Variants in PDZD2 observed in about 807,000 individuals in gnomAD.
PDZD2 encodes PDZ domain-containing protein 2.
In PDZD2, 90 loss-of-function variants were observed where a neutral mutation model predicts 220.7. That is an observed-to-expected ratio of 0.41 (90% CI 0.34 to 0.49). PDZD2 has a LOEUF of 0.49. PDZD2 is among the 20% of genes least tolerant of loss of function. The pLI is 0.28. For missense variants in PDZD2, 3,174 were observed against 3,608.5 expected (o/e 0.88, Z 3.08); for synonymous variants, 1,375 against 1,450.5 (o/e 0.95, Z 1.18).
intron 7 of PDZD2, among the ~76,000 whole-genome samples, chr5:32,041,412 C>G (rs181906750): frequency 6.7e-6 from 1 of 150,022 alleles, no homozygotes; most frequent in African/African-American, 2.5e-5. Flanking sequence ...AAGGGGGAAA[C>G]GTGGGGAAAA....
chr5:31,865,930 CTT>C (rs35867918), intron 2 of PDZD2, among the ~76,000 whole-genome samples: 63 of 142,680 alleles, frequency 4.4e-4, no homozygotes, highest in Non-Finnish European at 4.1e-4. Context: ...CGCACCTGCC[CTT>C]TTTTTTTTTT....
chr5:31,966,732 A>G (rs775988282), intron 2 of PDZD2, among the ~76,000 whole-genome samples: 1 of 152,228 alleles, frequency 6.6e-6, no homozygotes, highest in Non-Finnish European at 1.5e-5. Flanking sequence ...GTGAAGACAG[A>G]TGAACAACAG....
At chr5:31,954,582 T>C (rs1004710408) in intron 2 of PDZD2, among the ~76,000 whole-genome samples, 1 of 152,148 alleles carries the variant, frequency 6.6e-6, no homozygotes, top group East Asian at 1.9e-4. Flanking sequence ...AAAAGTACCA[T>C]GAACCCTCTT....
chr5:31,711,277 G>T (rs894624548), intron 1 of PDZD2, among the ~76,000 whole-genome samples: 1 of 152,226 alleles, frequency 6.6e-6, no homozygotes, highest in Non-Finnish European at 1.5e-5. Flanking sequence ...AGGGCAGAGG[G>T]TCCATGTGCA....
chr5:31,676,850 G>A (rs115999677), intron 1 of PDZD2, among the ~76,000 whole-genome samples: 1,673 of 152,066 alleles, frequency 0.011, 9 homozygotes, highest in Non-Finnish European at 0.017. Flanking sequence ...TACCACGGCC[G>A]GCCCTGTAGA....
Position 31,709,506 on chromosome 5 carries a change from TGAGAG to T in PDZD2, c.-361+70070_-361+70074del, listed in dbSNP as rs1161182799. Among the ~76,000 whole-genome samples the T allele has an allele frequency of 2.9e-4, 10 of 34,770 alleles. No homozygotes were observed. In the East Asian group the frequency reaches 3.8e-3, roughly 13 times the overall value. The allele number at this position is 34,770 out of a possible 152,430, so 22.8% of individuals were successfully genotyped here. A position where few individuals can be genotyped will look rare whatever the true frequency, so the allele number is the denominator to read the frequency against. On this transcript the variant is annotated intron_variant, in intron 1 of 24. Coordinates refer to ENST00000438447, the MANE Select transcript of PDZD2 (RefSeq NM_178140.4). The stretch of plus-strand genomic sequence containing the variant: ...TCAGGAAAAAAAATAAAATAAAAGG[TGAGAG>T]AAAAGGTGAGAGCTAGGGTTTGTCC...
intron 2 of PDZD2, among the ~76,000 whole-genome samples, chr5:31,830,578 C>T (rs1435396021): frequency 6.6e-6 from 1 of 152,018 alleles, no homozygotes; most frequent in Non-Finnish European, 1.5e-5. Flanking sequence ...TGTCAAGCTC[C>T]TCCTGCCTCC....
chr5:32,000,366 G>A lies in PDZD2; in HGVS notation c.1254+95G>A. The A allele has an allele frequency of 6.0e-6, 8 of 1,339,690 alleles. No homozygotes were observed. The Middle Eastern group carries it at 7.3e-4, about 122-fold the overall frequency. The allele number at this position is 1,339,690 out of a possible 1,614,324, so 83.0% of individuals were successfully genotyped here. ...ATGCCACACACACACACAAAGACAT[G>A]TGTGCACTTGTACGTTTGCCTTGGG... On this transcript the variant is annotated intron_variant, in intron 5 of 24. Transcript: ENST00000438447. The surrounding 1 kb of genome is among the most constrained non-coding windows in gnomAD (Gnocchi z 4.5).
At chr5:31,863,080 C>A (rs1282151262) in intron 2 of PDZD2, among the ~76,000 whole-genome samples, 1 of 152,186 alleles carries the variant, frequency 6.6e-6, no homozygotes, top group Non-Finnish European at 1.5e-5. Context: ...GACGGAGTTT[C>A]ACCATGTTGG....
rs1561506563 is a variant in PDZD2, at chr5:31,849,877, TATATATATATACAC to T, written c.476+50165_476+50178del. Among the ~76,000 whole-genome samples, 354 of 45,556 alleles carry T rather than the reference TATATATATATACAC, an allele frequency of 7.8e-3. 81 individuals are homozygous for T. Among genetic ancestry groups the T allele is most frequent in the African/African-American group, 0.065 (326 of 5,046 alleles). 29.9% of individuals were successfully genotyped at this position (45,556 alleles called of 152,430 possible). Reference sequence around the variant, plus strand: ...TCTCTCTCATATATATATACATATATATATATATATACACATATATATATATACATATATATATA... The same window carrying T: ...TCTCTCTCATATATATATACATATATATATATATATATACATATATATATA... On this transcript the variant is annotated intron_variant, in intron 2 of 24. Transcript: ENST00000438447.
intron 2 of PDZD2, among the ~76,000 whole-genome samples, chr5:31,960,786 T>C (rs1748154561): frequency 1.3e-5 from 2 of 152,220 alleles, no homozygotes; most frequent in African/African-American, 4.8e-5. Flanking sequence ...TTTTTTTCAT[T>C]TACGTAATGT....
chr5:31,904,489 A>G (rs1474557112), intron 2 of PDZD2, among the ~76,000 whole-genome samples: 5 of 152,182 alleles, frequency 3.3e-5, no homozygotes. Flanking sequence ...AGATGTGAAA[A>G]CTTGAGTCAC....
At chr5:31,877,707 G>T (rs1417871773) in intron 2 of PDZD2, among the ~76,000 whole-genome samples, 1 of 150,660 alleles carries the variant, frequency 6.6e-6, no homozygotes, top group Non-Finnish European at 1.5e-5. Context: ...TATTTATTTT[G>T]AGACAGAGTT....
intron 1 of PDZD2, among the ~76,000 whole-genome samples, chr5:31,719,964 T>G (rs1167520811): frequency 2.0e-5 from 3 of 152,226 alleles, no homozygotes; most frequent in Non-Finnish European, 4.4e-5. Flanking sequence ...AGAGGCAGAA[T>G]TGGCCTGGAA....
intron 2 of PDZD2, among the ~76,000 whole-genome samples, chr5:31,910,644 G>A (rs549699840): frequency 4.8e-4 from 58 of 120,108 alleles, no homozygotes; most frequent in African/African-American, 1.5e-3. Context: ...ACCCACCTCG[G>A]CCTCCCAAAG....
chr5:32,024,430 C>A (rs963943513), intron 6 of PDZD2, among the ~76,000 whole-genome samples: 22 of 152,120 alleles, frequency 1.4e-4, no homozygotes, highest in Admixed American at 3.9e-4. Flanking sequence ...TCCCTGTAAT[C>A]CCAGTACTTC....
At position 31,799,740 on chromosome 5, in the gene PDZD2, G is replaced by A. The variant is rs951163127; in HGVS notation, c.476+16G>A. 4.5e-6 allele frequency: 7 copies of A among 1,550,196 alleles called. No homozygotes were observed. The highest frequency in any genetic ancestry group is 5.3e-6 in the Non-Finnish European group (6 of 1,122,482). ...GTGGGGCCAGGTAAGTAGGGGGAATGCCTGCTGGCACAGGGGCTGGACACG... is the reference window on the plus strand; with the variant it reads ...GTGGGGCCAGGTAAGTAGGGGGAATACCTGCTGGCACAGGGGCTGGACACG... On this transcript the variant is annotated intron_variant, in intron 2 of 24. Coordinates refer to ENST00000438447, the MANE Select transcript of PDZD2 (RefSeq NM_178140.4).
chr5:31,862,101 G>GTTTTTTTTTTTTTTTTTTTTTTTTTTTTT (rs11417935), intron 2 of PDZD2, among the ~76,000 whole-genome samples: 2 of 78,496 alleles, frequency 2.5e-5, no homozygotes, highest in Non-Finnish European at 4.9e-5. Flanking sequence ...TTTTTTTTGG[G>GTTTTTTTTTTTTTTTTTTTTTTTTTTTTT]TTTTTTTTTT....
rs149439059 is a variant in PDZD2 at position 31,983,389 on chromosome 5, C to T, written c.711C>T (p.Ser237=). 17 of 1,614,174 alleles carry T rather than the reference C, an allele frequency of 1.1e-5. No individual in the cohort carries two copies. The highest frequency in any genetic ancestry group is 8.9e-5 in the East Asian group (4 of 44,884). The part of the protein sequence containing the change: ...ANKAPEESKG[S]AGCEVSSDPS... ...AGGCCCCTGAAGAATCCAAGGGCAG[C>T]GCTGGCTGTGAGGTGTCCAGTGACC... Residue 237 remains serine (S), a synonymous_variant, in exon 3 of 25, where the codon AGC becomes AGT. Coordinates refer to ENST00000438447, the MANE Select transcript of PDZD2 (RefSeq NM_178140.4).
Sources: gnomAD v4.1 joint callset for allele counts (sites outside exome capture counted in the v4.1 genomes callset) on GRCh38, gnomAD v4.1.1 for gene constraint, Gnocchi (gnomAD v3.1) non-coding constraint, MANE v1.5 for transcripts, NCBI Gene and HGNC (gene_info 2026-07-23, HGNC 2026-07-21) for gene names.